The following MYO1D variants were observed in gnomAD, a reference collection of about 807,000 sequenced individuals.
The protein encoded by MYO1D is myosin ID, also known as unconventional myosin-Id.
A neutral mutation model predicts 122.0 loss-of-function variants in MYO1D; 83 were observed. The ratio of observed to expected loss-of-function variants is 0.68; its 90% CI spans 0.57 to 0.82. The LOEUF is 0.82. Among genes scored for constraint, MYO1D ranks in the 40% least tolerant of loss-of-function variants. The pLI, the probability that MYO1D is intolerant of heterozygous loss-of-function variation, is 0.00. For missense variants in MYO1D, 1,157 were observed against 1,269.5 expected (o/e 0.91, Z 1.35); for synonymous variants, 464 against 446.9 (o/e 1.04, Z -0.48).
intron 1 of MYO1D, among the ~76,000 whole-genome samples, chr17:32,787,341 G>T (rs902745293): frequency 6.6e-6 from 1 of 151,904 alleles, no homozygotes; most frequent in Non-Finnish European, 1.5e-5. Context: ...GTTTACATGG[G>T]TAAGTTCTTT....
chr17:32,771,428 T>C (rs1029199705), intron 5 of MYO1D, among the ~76,000 whole-genome samples: 3 of 152,182 alleles, frequency 2.0e-5, no homozygotes, highest in Non-Finnish European at 4.4e-5. Flanking sequence ...TATGCAGTCA[T>C]AAAGAAAATT....
At chr17:32,521,008 G>A (rs957885057) in intron 21 of MYO1D, among the ~76,000 whole-genome samples, 1 of 152,210 alleles carries the variant, frequency 6.6e-6, no homozygotes, top group African/African-American at 2.4e-5. Context: ...CCTTTGTTCA[G>A]CAAAATCTAG....
At chr17:32,644,544 AG>A (rs1201401863) in intron 19 of MYO1D, among the ~76,000 whole-genome samples, 1 of 152,056 alleles carries the variant, frequency 6.6e-6, no homozygotes, top group Non-Finnish European at 1.5e-5. Flanking sequence ...ATTGTGTGGG[AG>A]TCTAAGTCTC....
intron 21 of MYO1D, among the ~76,000 whole-genome samples, chr17:32,515,676 T>C (rs936896573): frequency 6.6e-6 from 1 of 152,190 alleles, no homozygotes; most frequent in African/African-American, 2.4e-5. Context: ...TCCATCACAC[T>C]GTCACTGAAC....
intron 5 of MYO1D, among the ~76,000 whole-genome samples, chr17:32,772,135 T>C (rs1043081354): frequency 7.2e-5 from 11 of 152,216 alleles, no homozygotes; most frequent in African/African-American, 2.7e-4. Context: ...TCTGTTAACC[T>C]TGATTTACAT....
At chr17:32,502,979 T>C (rs1909367800) in intron 21 of MYO1D, among the ~76,000 whole-genome samples, 1 of 152,226 alleles carries the variant, frequency 6.6e-6, no homozygotes, top group Non-Finnish European at 1.5e-5. Flanking sequence ...CAGCAAACTG[T>C]GGAATTCGGG....
At chr17:32,660,739 G>A (rs955453010) in intron 16 of MYO1D, among the ~76,000 whole-genome samples, 5 of 152,286 alleles carry the variant, frequency 3.3e-5, no homozygotes, top group African/African-American at 4.8e-5. Flanking sequence ...CTCATGTGGC[G>A]TCAGTACAGC....
At chr17:32,559,906 C>T (rs916998866) in intron 21 of MYO1D, among the ~76,000 whole-genome samples, 2 of 152,146 alleles carry the variant, frequency 1.3e-5, no homozygotes, top group African/African-American at 4.8e-5. Flanking sequence ...TTTGTCAATG[C>T]TATGGTATTG....
Position 32,494,615 on chromosome 17 carries a change from G to C in MYO1D, c.*144C>G. On this transcript the variant is annotated 3_prime_UTR_variant, in exon 22 of 22. Coordinates refer to ENST00000318217, the MANE Select transcript of MYO1D (RefSeq NM_015194.3). ...AGATGATACCAAAGGCAGAAAACCA[G>C]GAAGGAAATCTTACAGGGGCGGGGC... The C allele has an allele frequency of 1.0e-6, 1 of 996,944 alleles. No homozygotes were observed. Among genetic ancestry groups the C allele is most frequent in the Non-Finnish European group, 1.4e-6 (1 of 699,256 alleles). The allele number at this position is 996,944 out of a possible 1,614,324, so 61.8% of individuals were successfully genotyped here.
At chr17:32,787,090 A>AT in intron 1 of MYO1D, among the ~76,000 whole-genome samples, 1 of 152,058 alleles carries the variant, frequency 6.6e-6, no homozygotes, top group East Asian at 1.9e-4. Flanking sequence ...GTTTAAAATC[A>AT]TTTTTTCAAG....
intron 21 of MYO1D, among the ~76,000 whole-genome samples, chr17:32,534,786 T>C (rs1242565491): frequency 6.6e-6 from 1 of 152,114 alleles, no homozygotes; most frequent in Admixed American, 6.5e-5. Flanking sequence ...CTTTTTCTCT[T>C]TACACCCCGT....
At chr17:32,532,143 G>A (rs984546154) in intron 21 of MYO1D, among the ~76,000 whole-genome samples, 5 of 152,212 alleles carry the variant, frequency 3.3e-5, no homozygotes, top group Admixed American at 6.5e-5. Context: ...TCCAATTTAA[G>A]CGGTGAGAAG....
chr17:32,593,936 C>CA (rs1186397429), intron 21 of MYO1D, among the ~76,000 whole-genome samples: 1 of 151,982 alleles, frequency 6.6e-6, no homozygotes, highest in Non-Finnish European at 1.5e-5. Context: ...GACTCCATCT[C>CA]AAAAAAACAA....
Position 32,494,569 on chromosome 17 carries a change from G to A in MYO1D, c.*190C>T, listed in dbSNP as rs1597854596. 9.8e-6 allele frequency: 7 copies of A among 717,406 alleles called. No individual in the cohort carries two copies. The highest frequency in any genetic ancestry group is 8.4e-5 in the East Asian group (3 of 35,782). 44.4% of individuals were successfully genotyped at this position (717,406 alleles called of 1,614,324 possible). ...GTCTTTGGCTTATTGAACAGGGACCGTGGACAGTAAGGACAGAGGAAGATG... is the reference window on the plus strand; with the variant it reads ...GTCTTTGGCTTATTGAACAGGGACCATGGACAGTAAGGACAGAGGAAGATG... On this transcript the variant is annotated 3_prime_UTR_variant, in exon 22 of 22. Transcript: ENST00000318217.
At chr17:32,867,575 T>C (rs2091138239) in intron 1 of MYO1D, among the ~76,000 whole-genome samples, 1 of 150,328 alleles carries the variant, frequency 6.7e-6, no homozygotes, top group African/African-American at 2.4e-5. Flanking sequence ...AGCGGGCAGA[T>C]CACCTGAGGT....
chr17:32,572,417 C>T (rs2087239980), intron 21 of MYO1D, among the ~76,000 whole-genome samples: 1 of 152,182 alleles, frequency 6.6e-6, no homozygotes, highest in African/African-American at 2.4e-5. Context: ...CTCTCTTTCC[C>T]TTTCGCCCAC....
chr17:32,788,829 G>C (rs906318437), intron 1 of MYO1D, among the ~76,000 whole-genome samples: 1 of 152,084 alleles, frequency 6.6e-6, no homozygotes, highest in Non-Finnish European at 1.5e-5. Flanking sequence ...TAAATCTATA[G>C]ATTGCTTTGG....
chr17:32,760,395 T>A lies in MYO1D; in HGVS notation c.1191A>T (p.Gln397His). 6.2e-7 allele frequency: 1 copy of A among 1,609,564 alleles called. No individual in the cohort carries two copies. Among genetic ancestry groups the A allele is most frequent in the South Asian group, 1.1e-5 (1 of 90,642 alleles). Residue 397 changes from glutamine to histidine, a missense_variant, in exon 10 of 22, where the codon CAA (glutamine) becomes CAT (histidine). Transcript: ENST00000318217. ...TCTCATTGCAGTAATTGATACAGAA[T>A]TGTTCAAAACTACAAGAAAAGGAAT... The part of the protein sequence containing the change: ...FEIFDNNSFE[Q>H]FCINYCNEKL...
chr17:32,764,166 G>T (rs12601040), intron 8 of MYO1D, among the ~76,000 whole-genome samples: 4,175 of 152,234 alleles, frequency 0.027, 149 homozygotes, highest in East Asian at 0.2. Context: ...AAATAAGCCA[G>T]GCACAAAAAG....
Sources: allele counts gnomAD v4.1 joint callset (sites outside exome capture counted in the v4.1 genomes callset), GRCh38; gene constraint gnomAD v4.1.1; transcripts MANE v1.5; gene names NCBI Gene and HGNC (gene_info 2026-07-23, HGNC 2026-07-21).